Variants in KCNIP4 observed in about 807,000 individuals in gnomAD.
The protein encoded by KCNIP4 is potassium voltage-gated channel interacting protein 4, also known as Kv channel-interacting protein 4.
Under a neutral mutation model 34.0 loss-of-function variants are expected in KCNIP4, and 12 were observed. The ratio of observed to expected loss-of-function variants is 0.35; its 90% CI spans 0.23 to 0.57. The LOEUF (loss-of-function observed/expected upper bound fraction) is 0.57, where lower values mean the gene tolerates loss of function less well. Ranked by LOEUF, KCNIP4 falls within the 20% of genes least tolerant of loss-of-function variation. The pLI is 0.83. For missense variants in KCNIP4, 238 were observed against 311.7 expected (o/e 0.76, Z 1.78); for synonymous variants, 124 against 102.2 (o/e 1.21, Z -1.29).
chr4:21,198,731 C>A (rs2108946948), intron 1 of KCNIP4, among the ~76,000 whole-genome samples: 1 of 152,296 alleles, frequency 6.6e-6, no homozygotes, highest in South Asian at 2.1e-4. Context: ...CATGTGGCAC[C>A]TGGTCAACCC....
At chr4:21,232,773 T>C (rs766278374) in intron 1 of KCNIP4, among the ~76,000 whole-genome samples, 4 of 152,128 alleles carry the variant, frequency 2.6e-5, no homozygotes, top group Non-Finnish European at 2.9e-5. Flanking sequence ...AGAAGATGGA[T>C]AAGAAAGTAA....
At chr4:21,193,893 A>AGAAGG (rs1755866931) in intron 1 of KCNIP4, among the ~76,000 whole-genome samples, 1 of 152,176 alleles carries the variant, frequency 6.6e-6, no homozygotes, top group South Asian at 2.1e-4. Context: ...TTAAACTACA[A>AGAAGG]GAAGGGAATG....
chr4:21,141,901 C>A (rs1342090191), intron 1 of KCNIP4, among the ~76,000 whole-genome samples: 3 of 151,532 alleles, frequency 2.0e-5, no homozygotes, highest in Non-Finnish European at 4.4e-5. Flanking sequence ...TCTGTAATCC[C>A]AGCACTTTGG....
intron 1 of KCNIP4, among the ~76,000 whole-genome samples, chr4:21,158,466 G>C (rs1372700682): frequency 6.6e-6 from 1 of 152,124 alleles, no homozygotes. Context: ...ATCAAGTGGG[G>C]CTTATCTCAG....
At chr4:21,890,794 G>A (rs946349071) in intron 1 of KCNIP4, among the ~76,000 whole-genome samples, 1 of 152,058 alleles carries the variant, frequency 6.6e-6, no homozygotes, top group Non-Finnish European at 1.5e-5. Context: ...ATTTATGTCA[G>A]CCAGACCCCG....
chr4:21,422,989 T>G (rs75627440), intron 1 of KCNIP4, among the ~76,000 whole-genome samples: 1,545 of 152,304 alleles, frequency 0.01, 26 homozygotes, highest in African/African-American at 0.035. Context: ...TGAATGCCAT[T>G]ACATACCAAG....
intron 1 of KCNIP4, among the ~76,000 whole-genome samples, chr4:20,972,667 G>A (rs560395878): frequency 2.6e-4 from 39 of 152,114 alleles, no homozygotes; most frequent in South Asian, 1.7e-3. Context: ...AAAGTAGTGC[G>A]GACCCAAAGA....
intron 1 of KCNIP4, among the ~76,000 whole-genome samples, chr4:21,260,944 G>C (rs1189353523): frequency 6.6e-6 from 1 of 152,172 alleles, no homozygotes; most frequent in East Asian, 1.9e-4. Context: ...TTGAAAAAGG[G>C]AATCATTTTA....
chr4:21,764,063 T>C (rs1044746164), intron 1 of KCNIP4, among the ~76,000 whole-genome samples: 2 of 152,044 alleles, frequency 1.3e-5, no homozygotes, highest in African/African-American at 4.8e-5. Flanking sequence ...GCCAGAACAA[T>C]AGAAGGAAAG....
At chr4:21,912,545 G>A (rs1471526895) in intron 1 of KCNIP4, among the ~76,000 whole-genome samples, 1 of 152,096 alleles carries the variant, frequency 6.6e-6, no homozygotes, top group Admixed American at 6.6e-5. Flanking sequence ...TGTGGATAAA[G>A]AAATACAATA....
chr4:21,362,966 A>G (rs1010290597), intron 1 of KCNIP4, among the ~76,000 whole-genome samples: 7 of 152,126 alleles, frequency 4.6e-5, no homozygotes, highest in African/African-American at 1.7e-4. Context: ...CCATTTTATT[A>G]TAGTTAATAA....
chr4:21,234,456 TATA>T, intron 1 of KCNIP4, among the ~76,000 whole-genome samples: 1 of 130,344 alleles, frequency 7.7e-6, no homozygotes, highest in African/African-American at 3.1e-5. Context: ...ATATATTACA[TATA>T]ACGTATATAA....
chr4:21,383,141 C>A (rs1721676081), intron 1 of KCNIP4, among the ~76,000 whole-genome samples: 1 of 152,162 alleles, frequency 6.6e-6, no homozygotes, highest in Non-Finnish European at 1.5e-5. Context: ...AGTCGGCCAT[C>A]TGCAAGCCAA....
intron 1 of KCNIP4, among the ~76,000 whole-genome samples, chr4:21,795,745 G>A (rs984525374): frequency 2.0e-5 from 3 of 152,042 alleles, no homozygotes; most frequent in African/African-American, 7.3e-5. Context: ...ATCTGCAACT[G>A]AAACACACTT....
chr4:21,366,170 C>T (rs1051206917), intron 1 of KCNIP4, among the ~76,000 whole-genome samples: 10 of 152,178 alleles, frequency 6.6e-5, no homozygotes, highest in South Asian at 2.1e-4. Flanking sequence ...GGCTTGAACG[C>T]TACCGGTGAA....
chr4:21,300,678 C>T (rs753021737), intron 1 of KCNIP4, among the ~76,000 whole-genome samples: 1 of 152,100 alleles, frequency 6.6e-6, no homozygotes, highest in Non-Finnish European at 1.5e-5. Context: ...TCTCTATTCT[C>T]TTGAAATACA....
intron 1 of KCNIP4, among the ~76,000 whole-genome samples, chr4:21,637,824 G>A (rs2109224917): frequency 6.7e-6 from 1 of 150,030 alleles, no homozygotes; most frequent in South Asian, 2.1e-4. Flanking sequence ...ACAAAATTTT[G>A]GAGTTGTTAA....
chr4:21,862,777 C>T (rs530421748), intron 1 of KCNIP4, among the ~76,000 whole-genome samples: 12 of 152,108 alleles, frequency 7.9e-5, no homozygotes, highest in South Asian at 2.1e-4. Flanking sequence ...ATCGAGACCA[C>T]GGTGAAACCC....
intron 1 of KCNIP4, chr4:21,762,848 T>G: frequency 5.3e-6 from 5 of 937,672 alleles, no homozygotes; most frequent in South Asian, 1.5e-5. Flanking sequence ...TATATAAGTG[T>G]GAGAAAGGAA....
Sources: gnomAD v4.1 joint callset for allele counts (sites outside exome capture counted in the v4.1 genomes callset) on GRCh38, gnomAD v4.1.1 for gene constraint, MANE v1.5 for transcripts, NCBI Gene and HGNC (gene_info 2026-07-23, HGNC 2026-07-21) for gene names.